ADAMTSL1: variants seen among roughly 807,000 people sequenced by gnomAD.
ADAMTSL1 encodes ADAMTS-like protein 1.
In ADAMTSL1, 126 loss-of-function variants were observed where a neutral mutation model predicts 201.8. The ratio of observed to expected loss-of-function variants is 0.62; its 90% confidence interval spans 0.54 to 0.72. The LOEUF is 0.72. Ranked by LOEUF, ADAMTSL1 falls within the 30% of genes least tolerant of loss-of-function variation. The pLI is 0.00. For missense variants in ADAMTSL1, 2,679 were observed against 2,277.8 expected (o/e 1.18, Z -3.59); for synonymous variants, 1,121 against 903.4 (o/e 1.24, Z -4.32).
chr9:18,675,258 C>G (rs187536830), intron 9 of ADAMTSL1, among the ~76,000 whole-genome samples: 1 of 152,272 alleles, frequency 6.6e-6, no homozygotes, highest in African/African-American at 2.4e-5. Context: ...TTTGCCTTTG[C>G]TAATAGTTGC....
chr9:18,435,488 C>T (rs960790039), intron 2 of ADAMTSL1, among the ~76,000 whole-genome samples: 1 of 152,094 alleles, frequency 6.6e-6, no homozygotes, highest in Admixed American at 6.5e-5. Flanking sequence ...AAGGAACACA[C>T]TACTATGAGA....
At chr9:18,125,998 ATG>A (rs1335444307) in intron 1 of ADAMTSL1, among the ~76,000 whole-genome samples, 2 of 152,170 alleles carry the variant, frequency 1.3e-5, no homozygotes, top group Non-Finnish European at 2.9e-5. Flanking sequence ...TGTGAACATC[ATG>A]CCAGTAGGAA....
upstream of ADAMTSL1, chr9:18,474,129 A>C: frequency 1.0e-6 from 1 of 966,450 alleles, no homozygotes; most frequent in Non-Finnish European, 1.6e-6. Flanking sequence ...GGAAGCTGAT[A>C]GGCAGGACTG....
chr9:18,817,002 G>T (rs1823899900), intron 20 of ADAMTSL1, 107 bp from the exon 21 acceptor site: 1 of 1,415,366 alleles, frequency 7.1e-7, no homozygotes, highest in Non-Finnish European at 9.4e-7. Context: ...AGTGGCAAAA[G>T]TCTGGGTAGA....
chr9:18,692,343 G>C (rs1243636267), intron 13 of ADAMTSL1, among the ~76,000 whole-genome samples: 2 of 152,198 alleles, frequency 1.3e-5, no homozygotes, highest in Non-Finnish European at 2.9e-5. Context: ...AAACTCAAGA[G>C]AGCAGATAGA....
chr9:17,934,429 T>G (rs2131327612), intron 1 of ADAMTSL1, among the ~76,000 whole-genome samples: 1 of 152,288 alleles, frequency 6.6e-6, no homozygotes, highest in East Asian at 1.9e-4. Flanking sequence ...ATAATAACTT[T>G]CTCAACTTCC....
intron 1 of ADAMTSL1, among the ~76,000 whole-genome samples, chr9:17,998,913 C>T (rs1819495820): frequency 6.6e-6 from 1 of 152,036 alleles, no homozygotes; most frequent in Admixed American, 6.6e-5. Flanking sequence ...AATCTGCAAG[C>T]CTGCTGTGCA....
chr9:18,407,908 G>A (rs1278751861), intron 2 of ADAMTSL1, among the ~76,000 whole-genome samples: 1 of 152,188 alleles, frequency 6.6e-6, no homozygotes, highest in Non-Finnish European at 1.5e-5. Context: ...TTATGGGGAT[G>A]TAACTAGGGA....
chr9:18,074,787 C>T (rs765418176), intron 1 of ADAMTSL1, among the ~76,000 whole-genome samples: 3 of 151,882 alleles, frequency 2.0e-5, no homozygotes, highest in Non-Finnish European at 4.4e-5. Flanking sequence ...GATGGGGTTA[C>T]ACCATGTTGG....
At chr9:18,048,742 C>T (rs746387877) in intron 1 of ADAMTSL1, among the ~76,000 whole-genome samples, 10 of 152,130 alleles carry the variant, frequency 6.6e-5, no homozygotes, top group Non-Finnish European at 1.3e-4. Context: ...TCGTCCTTAC[C>T]AGCTTTGTTT....
At chr9:18,598,110 CA>C (rs1824384560) in intron 4 of ADAMTSL1, among the ~76,000 whole-genome samples, 1 of 152,154 alleles carries the variant, frequency 6.6e-6, no homozygotes, top group African/African-American at 2.4e-5. Context: ...GTTAATAGAA[CA>C]ACAAGGCCAA....
chr9:18,462,849 G>C (rs1424708954), intron 2 of ADAMTSL1, among the ~76,000 whole-genome samples: 1 of 152,056 alleles, frequency 6.6e-6, no homozygotes, highest in Non-Finnish European at 1.5e-5. Context: ...TGAGGCAGGA[G>C]AATCACTTGA....
At chr9:18,394,999 A>G (rs1490044726) in intron 2 of ADAMTSL1, among the ~76,000 whole-genome samples, 3 of 152,244 alleles carry the variant, frequency 2.0e-5, no homozygotes, top group East Asian at 3.9e-4. Flanking sequence ...ATTCTTGGAA[A>G]CCTTGGTTTA....
At chr9:17,939,505 A>G (rs1046249795) in intron 1 of ADAMTSL1, among the ~76,000 whole-genome samples, 1 of 152,126 alleles carries the variant, frequency 6.6e-6, no homozygotes, top group Non-Finnish European at 1.5e-5. Context: ...TATTCTTTGA[A>G]AAAATAATGT....
At chr9:18,878,022 T>C (rs895457031) in intron 23 of ADAMTSL1, among the ~76,000 whole-genome samples, 14 of 152,152 alleles carry the variant, frequency 9.2e-5, no homozygotes, top group African/African-American at 2.9e-4. Flanking sequence ...TGGCTGCCTC[T>C]GCTATGTCAT....
intron 11 of ADAMTSL1, 105 bp from the exon 12 acceptor site, chr9:18,681,707 G>GGC (rs1274386324): frequency 6.8e-6 from 5 of 739,844 alleles, no homozygotes; most frequent in South Asian, 3.0e-5. Context: ...TGGGGGGGGG[G>GGC]GGCGGGGAAA....
At position 18,494,110 on chromosome 9, in the gene ADAMTSL1, A is replaced by G. The variant is rs572598797; in HGVS notation, c.64-10719A>G. ...GGTGGCTCACGCCTGTAATCCCAGC[A>G]CTTTGGGAGGCAGAAACGGGTGGAT... On this transcript the variant is annotated intron_variant, in intron 1 of 28. Transcript: ENST00000380548. Among the ~76,000 whole-genome samples, 6 of 152,298 alleles carry G rather than the reference A, an allele frequency of 3.9e-5. 1 individual carries two copies. Among genetic ancestry groups the G allele is most frequent in the Admixed American group, 3.9e-4 (6 of 15,300 alleles).
At chr9:18,359,740 A>G (rs1836419615) in intron 2 of ADAMTSL1, among the ~76,000 whole-genome samples, 1 of 151,088 alleles carries the variant, frequency 6.6e-6, no homozygotes, top group South Asian at 2.1e-4. Flanking sequence ...TATTATTTTT[A>G]ACTTTTCTAA....
intron 3 of ADAMTSL1, among the ~76,000 whole-genome samples, chr9:18,564,081 G>C (rs900823038): frequency 6.6e-6 from 1 of 152,178 alleles, no homozygotes; most frequent in Non-Finnish European, 1.5e-5. Flanking sequence ...CCTGCAGCTA[G>C]CTTGGTGTCT....
Sources: gnomAD v4.1 joint callset for allele counts (sites outside exome capture counted in the v4.1 genomes callset) on GRCh38, gnomAD v4.1.1 for gene constraint, MANE v1.5 for transcripts, NCBI Gene and HGNC (gene_info 2026-07-23, HGNC 2026-07-21) for gene names.